GLMN: variants seen among roughly 807,000 people sequenced by gnomAD.
The protein encoded by GLMN is glomulin.
Under a neutral mutation model 87.8 loss-of-function variants are expected in GLMN, and 75 were observed. The ratio of observed to expected loss-of-function variants is 0.85; its 90% CI spans 0.71 to 1.04. The LOEUF is 1.04. Ranked by LOEUF, GLMN falls within the 50% of genes least tolerant of loss-of-function variation. The probability of loss-of-function intolerance (pLI) is 0.00; values close to 1 mark genes in which losing one functional copy is unlikely to be tolerated. For missense variants in GLMN, 588 were observed against 658.8 expected (o/e 0.89, Z 1.18); for synonymous variants, 206 against 221.6 (o/e 0.93, Z 0.63).
chr1:92,336,765 A>C, the GLMN span, among the ~76,000 whole-genome samples: 3 of 152,150 alleles, frequency 2.0e-5, no homozygotes, highest in Admixed American at 6.5e-5. Context: ...TGCACCAGGC[A>C]CTATGGGTAA....
chr1:92,314,870 C>T, the GLMN span, among the ~76,000 whole-genome samples: 1 of 151,854 alleles, frequency 6.6e-6, no homozygotes, highest in Non-Finnish European at 1.5e-5. Flanking sequence ...CATGGCAAAA[C>T]CCCGTCTCTA....
chr1:92,355,727 C>T, the GLMN span, among the ~76,000 whole-genome samples: 9 of 152,214 alleles, frequency 5.9e-5, no homozygotes, highest in East Asian at 1.9e-4. Context: ...CTCCAAAATC[C>T]GAAACTTTTT....
At chr1:92,330,288 A>G in the GLMN span, among the ~76,000 whole-genome samples, 1 of 152,178 alleles carries the variant, frequency 6.6e-6, no homozygotes, top group Non-Finnish European at 1.5e-5. Context: ...TATCGTTATC[A>G]GGTTTTGGTT....
chr1:92,246,860 A>G (rs1228272535), intron 18 of GLMN, among the ~76,000 whole-genome samples: 1 of 152,066 alleles, frequency 6.6e-6, no homozygotes, highest in Non-Finnish European at 1.5e-5. Flanking sequence ...GTGAGACCCT[A>G]TCTCTACTAA....
chr1:92,255,055 G>A (rs1378168592), intron 16 of GLMN, among the ~76,000 whole-genome samples: 1 of 151,232 alleles, frequency 6.6e-6, no homozygotes, highest in Admixed American at 6.6e-5. Context: ...ATAAAGGGAT[G>A]AAGGATTATT....
intron 7 of GLMN, among the ~76,000 whole-genome samples, chr1:92,285,467 C>T (rs368880328): frequency 5.3e-5 from 8 of 149,978 alleles, no homozygotes; most frequent in African/African-American, 2.0e-4. Context: ...CTGGTTGGGG[C>T]GTGGGGGGCT....
chr1:92,304,905 G>C, the GLMN span, among the ~76,000 whole-genome samples: 1 of 152,132 alleles, frequency 6.6e-6, no homozygotes, highest in African/African-American at 2.4e-5. Flanking sequence ...GGAGGCCAAG[G>C]GGGGCGGATT....
chr1:92,260,705 C>T lies in GLMN; in HGVS notation c.1473+2158G>A, dbSNP rs1318087307. Among the ~76,000 whole-genome samples the T allele has an allele frequency of 2.1e-5, 3 of 144,640 alleles. 1 individual carries two copies. The Admixed American group carries it at 2.2e-4, about 10-fold the overall frequency. The allele number at this position is 144,640 out of a possible 152,430, so 94.9% of individuals were successfully genotyped here. A position where few individuals can be genotyped will look rare whatever the true frequency, so the allele number is the denominator to read the frequency against. ...CTGGGGAGTTTGAGGCAGCAGTGAG[C>T]CATGACTGCCACTGTACTCCAGCCT... On this transcript the variant is annotated intron_variant, in intron 16 of 18. Transcript: ENST00000370360.
At chr1:92,308,670 A>AG in the GLMN span, among the ~76,000 whole-genome samples, 1 of 152,222 alleles carries the variant, frequency 6.6e-6, no homozygotes, top group African/African-American at 2.4e-5. Flanking sequence ...ATTTAAAACA[A>AG]ATCTTCCAGC....
chr1:92,301,392 G>T, upstream of GLMN: 3 of 555,416 alleles, frequency 5.4e-6, no homozygotes, highest in South Asian at 6.5e-5. Flanking sequence ...GCAAAATAGT[G>T]AGTTAGGTTA....
intron 7 of GLMN, among the ~76,000 whole-genome samples, chr1:92,280,683 A>G (rs1223529944): frequency 2.6e-5 from 4 of 151,742 alleles, no homozygotes; most frequent in Admixed American, 2.0e-4. Flanking sequence ...CTAAAGGAGC[A>G]TGTTCTAACC....
chr1:92,291,548 A>AT lies in GLMN; in HGVS notation c.166-12dup. 1 of 1,613,506 alleles carries AT rather than the reference A, an allele frequency of 6.2e-7. No individual in the cohort carries two copies. The highest frequency in any genetic ancestry group is 1.3e-5 in the African/African-American group (1 of 74,990). On this transcript the variant is annotated splice_polypyrimidine_tract_variant and intron_variant, in intron 3 of 18. Transcript: ENST00000370360. ...ATTCTTGATGATGACCTGTAAAAAC[A>AT]TTTTCAGAGTAAAGCAAACACTGCC...
intron 7 of GLMN, among the ~76,000 whole-genome samples, chr1:92,285,711 A>G (rs1397253026): frequency 6.6e-6 from 1 of 152,126 alleles, no homozygotes; most frequent in Non-Finnish European, 1.5e-5. Flanking sequence ...AATTCAACCA[A>G]ATGTTACTCC....
At chr1:92,258,663 A>T (rs1401379421) in intron 16 of GLMN, among the ~76,000 whole-genome samples, 1 of 152,202 alleles carries the variant, frequency 6.6e-6, no homozygotes, top group Non-Finnish European at 1.5e-5. Flanking sequence ...ACAGAAAACC[A>T]AACACCACAT....
chr1:92,303,257 C>T (rs1650987731), upstream of GLMN, among the ~76,000 whole-genome samples: 1 of 152,120 alleles, frequency 6.6e-6, no homozygotes, highest in African/African-American at 2.4e-5. Flanking sequence ...TCAGAATCTG[C>T]ATATTTGATG....
At chr1:92,255,854 T>G (rs1222008178) in intron 16 of GLMN, among the ~76,000 whole-genome samples, 1 of 151,624 alleles carries the variant, frequency 6.6e-6, no homozygotes, top group Non-Finnish European at 1.5e-5. Context: ...TTAAAAGAAA[T>G]AGAGAGGCAA....
intron 15 of GLMN, 80 bp from the exon 16 acceptor site, chr1:92,263,006 A>T (rs1655219080): frequency 1.6e-6 from 1 of 639,930 alleles, no homozygotes; most frequent in East Asian, 2.8e-5. Flanking sequence ...AACTTTGGTC[A>T]TATTTTTATA....
the GLMN span, among the ~76,000 whole-genome samples, chr1:92,323,147 T>C: frequency 6.7e-6 from 1 of 149,376 alleles, no homozygotes; most frequent in Non-Finnish European, 1.5e-5. Context: ...TCAAGTTTTT[T>C]AAAAAGTTTT....
chr1:92,319,998 CAAAAAAA>C, the GLMN span, among the ~76,000 whole-genome samples: 1 of 90,318 alleles, frequency 1.1e-5, no homozygotes, highest in Non-Finnish European at 2.3e-5. Context: ...AACTCCATCT[CAAAAAAA>C]AAAAAAAGAA....
Sources: gnomAD v4.1 joint callset for allele counts (sites outside exome capture counted in the v4.1 genomes callset) on GRCh38, gnomAD v4.1.1 for gene constraint, MANE v1.5 for transcripts, NCBI Gene and HGNC (gene_info 2026-07-23, HGNC 2026-07-21) for gene names.